GRID2: variants seen among roughly 807,000 people sequenced by gnomAD.
The protein encoded by GRID2 is glutamate receptor ionotropic, delta-2.
In GRID2, 33 loss-of-function variants were observed where a neutral mutation model predicts 114.8. That is an observed-to-expected ratio of 0.29 (90% CI 0.22 to 0.38). The LOEUF (loss-of-function observed/expected upper bound fraction) is 0.38. GRID2 is among the 10% of genes least tolerant of loss of function. The pLI, the probability that GRID2 is intolerant of heterozygous loss-of-function variation, is 1.00. For missense variants in GRID2, 1,184 were observed against 1,257.7 expected (o/e 0.94, Z 0.89); for synonymous variants, 505 against 449.9 (o/e 1.12, Z -1.55).
chr4:93,213,773 T>C (rs1743854875), intron 5 of GRID2, among the ~76,000 whole-genome samples: 1 of 149,082 alleles, frequency 6.7e-6, no homozygotes, highest in African/African-American at 2.5e-5. Context: ...CTAGATGGAG[T>C]TGTATCCCCA....
intron 4 of GRID2, among the ~76,000 whole-genome samples, chr4:93,197,188 C>A (rs975119038): frequency 1.3e-5 from 2 of 152,106 alleles, no homozygotes; most frequent in Non-Finnish European, 2.9e-5. Context: ...AAATGTTCTG[C>A]AACATTCAGT....
intron 14 of GRID2, among the ~76,000 whole-genome samples, chr4:93,634,445 A>G (rs1721232256): frequency 6.6e-6 from 1 of 152,196 alleles, no homozygotes; most frequent in Non-Finnish European, 1.5e-5. Context: ...GCTGCTAGTT[A>G]TAAAGCATCT....
At position 93,145,256 on chromosome 4, in the gene GRID2, C is replaced by T. The variant is rs376405449; in HGVS notation, c.735+34303C>T. Among the ~76,000 whole-genome samples the T allele has an allele frequency of 1.1e-3, 165 of 152,030 alleles. 2 individuals carry two copies. In the South Asian group the frequency reaches 0.03, roughly 28 times the overall value. ...AACCACTACAATGAAAACTCTGTTA[C>T]GAAGGGAATTTTTGCCTGCTTTTTA... On this transcript the variant is annotated intron_variant, in intron 4 of 15. Coordinates refer to ENST00000282020, the MANE Select transcript of GRID2 (RefSeq NM_001510.4).
chr4:93,705,225 A>G (rs1442323516), intron 14 of GRID2, among the ~76,000 whole-genome samples: 1 of 152,078 alleles, frequency 6.6e-6, no homozygotes, highest in Non-Finnish European at 1.5e-5. Flanking sequence ...CACCTTTCAC[A>G]TACCTGTTTA....
At chr4:92,814,013 C>A (rs1388297517) in intron 2 of GRID2, among the ~76,000 whole-genome samples, 1 of 152,062 alleles carries the variant, frequency 6.6e-6, no homozygotes, top group Non-Finnish European at 1.5e-5. Flanking sequence ...AGAAAGTTTT[C>A]CCTATTCTTC....
rs183374734 is a variant in GRID2, at chr4:93,396,556, T to C, written c.1347+848T>C. On this transcript the variant is annotated intron_variant, in intron 9 of 15. Transcript: ENST00000282020. ...TGTTAAATTCAAAACTTATAAATTGTTTATTTCTGGAAGTTTTCATTTAAT... is the reference window on the plus strand; with the variant it reads ...TGTTAAATTCAAAACTTATAAATTGCTTATTTCTGGAAGTTTTCATTTAAT... Among the ~76,000 whole-genome samples, 4 of 152,094 alleles carry C rather than the reference T, an allele frequency of 2.6e-5. No homozygotes were observed. In the East Asian group the frequency reaches 5.8e-4, roughly 22 times the overall value.
intron 12 of GRID2, among the ~76,000 whole-genome samples, chr4:93,509,316 A>G (rs1302049072): frequency 6.6e-6 from 1 of 152,178 alleles, no homozygotes; most frequent in Non-Finnish European, 1.5e-5. Context: ...ACAGAACTTG[A>G]TGAGAGTAGA....
At chr4:93,416,085 C>T (rs1342781282) in intron 9 of GRID2, among the ~76,000 whole-genome samples, 1 of 151,958 alleles carries the variant, frequency 6.6e-6, no homozygotes, top group Non-Finnish European at 1.5e-5. Flanking sequence ...TGCTTTTCTT[C>T]TCTCCATGAA....
At chr4:92,703,674 T>G (rs1444691632) in intron 2 of GRID2, among the ~76,000 whole-genome samples, 6 of 150,202 alleles carry the variant, frequency 4.0e-5, no homozygotes, top group African/African-American at 1.5e-4. Flanking sequence ...AAAATTAATG[T>G]ATGTAAATTA....
intron 3 of GRID2, among the ~76,000 whole-genome samples, chr4:93,104,356 T>G (rs1731993626): frequency 6.6e-6 from 1 of 152,160 alleles, no homozygotes; most frequent in Non-Finnish European, 1.5e-5. Flanking sequence ...GTGCACAATG[T>G]GCAGGTTAGT....
intron 1 of GRID2, among the ~76,000 whole-genome samples, chr4:92,574,368 A>T (rs1312794814): frequency 2.7e-5 from 4 of 149,610 alleles, no homozygotes; most frequent in Non-Finnish European, 5.9e-5. Flanking sequence ...TTTTGTACAC[A>T]TGTTTATGTG....
intron 8 of GRID2, among the ~76,000 whole-genome samples, chr4:93,321,372 C>G (rs907474507): frequency 6.6e-6 from 1 of 151,904 alleles, no homozygotes; most frequent in Non-Finnish European, 1.5e-5. Flanking sequence ...ACCAAGGATC[C>G]TATTTTCAAA....
At chr4:92,874,483 A>T (rs1235203426) in intron 2 of GRID2, among the ~76,000 whole-genome samples, 6 of 152,222 alleles carry the variant, frequency 3.9e-5, no homozygotes, top group African/African-American at 1.4e-4. Flanking sequence ...AGTGATAAGC[A>T]GTTAAGAAAA....
At chr4:93,111,988 A>G (rs1367138343) in intron 4 of GRID2, 1 of 152,104 alleles carries the variant, frequency 6.6e-6, no homozygotes, top group African/African-American at 2.4e-5. Flanking sequence ...TTAAAGACAA[A>G]TTATACACAT....
chr4:92,361,925 A>C (rs1048559716), intron 1 of GRID2, among the ~76,000 whole-genome samples: 15 of 151,990 alleles, frequency 9.9e-5, no homozygotes, highest in East Asian at 1.9e-4. Context: ...CAGGGGTTAC[A>C]ATGCTAGCAA....
chr4:92,899,589 G>C (rs1404322416), intron 2 of GRID2, among the ~76,000 whole-genome samples: 1 of 151,586 alleles, frequency 6.6e-6, no homozygotes, highest in Non-Finnish European at 1.5e-5. Flanking sequence ...TTAATTGTTT[G>C]TTATTTTGTT....
chr4:92,781,718 AT>A (rs1174946249), intron 2 of GRID2, among the ~76,000 whole-genome samples: 2 of 151,956 alleles, frequency 1.3e-5, no homozygotes, highest in Non-Finnish European at 2.9e-5. Context: ...CTATTGAGGG[AT>A]TCTAATATTC....
At chr4:92,852,587 C>G (rs2149424615) in intron 2 of GRID2, among the ~76,000 whole-genome samples, 1 of 152,066 alleles carries the variant, frequency 6.6e-6, no homozygotes, top group Non-Finnish European at 1.5e-5. Context: ...ATATAATTTC[C>G]TCATCATCAA....
At chr4:92,354,842 AAGGGGACTTAT>A (rs1477774547) in intron 1 of GRID2, among the ~76,000 whole-genome samples, 3 of 151,950 alleles carry the variant, frequency 2.0e-5, no homozygotes, top group Non-Finnish European at 4.4e-5. Context: ...GAGAAATCTT[AAGGGGACTTAT>A]AGGTCAATGA....
Sources: allele counts gnomAD v4.1 joint callset (sites outside exome capture counted in the v4.1 genomes callset), GRCh38; gene constraint gnomAD v4.1.1; transcripts MANE v1.5; gene names NCBI Gene and HGNC (gene_info 2026-07-23, HGNC 2026-07-21).